RBFOX1: variants seen among roughly 807,000 people sequenced by gnomAD.
The protein encoded by RBFOX1 is RNA binding protein fox-1 homolog 1.
Under a neutral mutation model 57.7 loss-of-function variants are expected in RBFOX1, and 8 were observed. The ratio of observed to expected loss-of-function variants is 0.14; its 90% CI spans 0.08 to 0.25. The LOEUF is 0.25. RBFOX1 is among the 10% of genes least tolerant of loss of function. RBFOX1 has a pLI of 1.00. For synonymous variants in RBFOX1, 326 were observed against 222.4 expected, an observed-to-expected ratio of 1.47 and a Z score of -4.15; for missense variants, 611 against 548.5, an observed-to-expected ratio of 1.11 and a Z score of -1.14.
chr16:7,600,750 G>T (rs2094968284), intron 9 of RBFOX1, among the ~76,000 whole-genome samples: 1 of 152,150 alleles, frequency 6.6e-6, no homozygotes, highest in South Asian at 2.1e-4. Context: ...CAGCTGCAAA[G>T]TTTCCAGTGA....
chr16:5,693,269 G>C (rs2050747027), intron 3 of RBFOX1, among the ~76,000 whole-genome samples: 1 of 151,864 alleles, frequency 6.6e-6, no homozygotes, highest in Non-Finnish European at 1.5e-5. Flanking sequence ...TGGGTAATGA[G>C]GCTTGGAAAC....
At chr16:7,177,902 C>A (rs770673162) in intron 4 of RBFOX1, among the ~76,000 whole-genome samples, 1 of 152,188 alleles carries the variant, frequency 6.6e-6, no homozygotes, top group Non-Finnish European at 1.5e-5. Context: ...TTACCAGCTT[C>A]TGTTCTAGTG....
intron 10 of RBFOX1, among the ~76,000 whole-genome samples, chr16:7,624,832 A>G (rs2059842000): frequency 6.6e-6 from 1 of 152,142 alleles, no homozygotes; most frequent in Non-Finnish European, 1.5e-5. Context: ...TTGAGGTGAT[A>G]CGGTTCTGAT....
At chr16:6,561,798 A>T (rs1383439145) in intron 2 of RBFOX1, among the ~76,000 whole-genome samples, 4 of 152,222 alleles carry the variant, frequency 2.6e-5, no homozygotes. Context: ...ATTTCTGAAC[A>T]TGTGTAGGGG....
intron 3 of RBFOX1, among the ~76,000 whole-genome samples, chr16:5,627,486 T>C (rs2048379496): frequency 6.6e-6 from 1 of 152,054 alleles, no homozygotes; most frequent in Non-Finnish European, 1.5e-5. Flanking sequence ...TGCTATTGCT[T>C]TGAGTACAAA....
At chr16:5,887,103 T>G (rs148429305) in intron 4 of RBFOX1, among the ~76,000 whole-genome samples, 10 of 152,296 alleles carry the variant, frequency 6.6e-5, no homozygotes, top group African/African-American at 2.4e-4. Flanking sequence ...CAAAAATGTT[T>G]CCAGACATTG....
chr16:5,691,638 C>G (rs2151460776), intron 3 of RBFOX1, among the ~76,000 whole-genome samples: 1 of 152,288 alleles, frequency 6.6e-6, no homozygotes, highest in Non-Finnish European at 1.5e-5. Context: ...ATCTGAAATG[C>G]TCCAATGAGA....
chr16:7,542,760 G>T (rs545763741), intron 5 of RBFOX1, among the ~76,000 whole-genome samples: 2 of 150,372 alleles, frequency 1.3e-5, no homozygotes, highest in African/African-American at 4.9e-5. Context: ...CCAGCTACTC[G>T]GGTGGCTGAG....
chr16:7,607,480 A>G, intron 10 of RBFOX1, 142 bp downstream of exon 10: 1 of 796,530 alleles, frequency 1.3e-6, no homozygotes, highest in Non-Finnish European at 2.1e-6. Flanking sequence ...TTTGGGCAAA[A>G]TCAAGAGTGC....
At chr16:5,903,907 C>T (rs181767029) in intron 4 of RBFOX1, among the ~76,000 whole-genome samples, 1 of 152,284 alleles carries the variant, frequency 6.6e-6, no homozygotes, top group East Asian at 1.9e-4. Flanking sequence ...AGCTGGCTTC[C>T]TCTGTCTTTG....
intron 3 of RBFOX1, among the ~76,000 whole-genome samples, chr16:6,798,415 C>A (rs574133593): frequency 6.2e-4 from 94 of 152,108 alleles, no homozygotes; most frequent in Non-Finnish European, 7.4e-4. Flanking sequence ...CCAGGTGGTC[C>A]TGCTTAATAG....
intron 2 of RBFOX1, among the ~76,000 whole-genome samples, chr16:5,572,947 G>A (rs1261107605): frequency 1.3e-5 from 2 of 152,150 alleles, no homozygotes; most frequent in Non-Finnish European, 2.9e-5. Context: ...GGAGACTGGG[G>A]GGTGATTGAA....
At chr16:6,822,869 C>T (rs961779498) in intron 3 of RBFOX1, among the ~76,000 whole-genome samples, 1 of 152,164 alleles carries the variant, frequency 6.6e-6, no homozygotes, top group Admixed American at 6.5e-5. Flanking sequence ...ATGCCTGGAA[C>T]AGTGATTCAC....
intron 2 of RBFOX1, among the ~76,000 whole-genome samples, chr16:6,346,691 T>G (rs1391166333): frequency 2.0e-5 from 3 of 152,254 alleles, no homozygotes; most frequent in Non-Finnish European, 4.4e-5. Flanking sequence ...TTTTTTATTT[T>G]AACAGTGTCT....
chr16:6,982,596 AGT>A (rs1276807606), intron 3 of RBFOX1, among the ~76,000 whole-genome samples: 1 of 152,218 alleles, frequency 6.6e-6, no homozygotes, highest in African/African-American at 2.4e-5. Context: ...TGAGTTGAAC[AGT>A]TGTTTGTACC....
At chr16:7,208,043 A>T (rs148881459) in intron 4 of RBFOX1, among the ~76,000 whole-genome samples, 1 of 152,264 alleles carries the variant, frequency 6.6e-6, no homozygotes, top group Non-Finnish European at 1.5e-5. Context: ...TCTCTGGAAA[A>T]CTAGGACTTT....
intron 1 of RBFOX1, among the ~76,000 whole-genome samples, chr16:5,380,903 A>T (rs1182916722): frequency 6.6e-6 from 1 of 152,248 alleles, no homozygotes; most frequent in African/African-American, 2.4e-5. Context: ...TTTTAAAGAG[A>T]TAAAGAATGC....
intron 3 of RBFOX1, among the ~76,000 whole-genome samples, chr16:6,809,205 C>T (rs901666749): frequency 6.6e-6 from 1 of 152,172 alleles, no homozygotes; most frequent in Non-Finnish European, 1.5e-5. Context: ...CTTTCACCAC[C>T]TTGGCTACGC....
chr16:5,471,072 G>C (rs754222721), intron 2 of RBFOX1, among the ~76,000 whole-genome samples: 1 of 152,084 alleles, frequency 6.6e-6, no homozygotes, highest in Non-Finnish European at 1.5e-5. Context: ...GACCTCAGGT[G>C]ATCCACCGGC....
Sources: gnomAD v4.1 joint callset for allele counts (sites outside exome capture counted in the v4.1 genomes callset) on GRCh38, gnomAD v4.1.1 for gene constraint, MANE v1.5 for transcripts, NCBI Gene and HGNC (gene_info 2026-07-23, HGNC 2026-07-21) for gene names.